The following NPAS3 variants were observed in gnomAD, a reference collection of about 807,000 sequenced individuals.
The protein encoded by NPAS3 is neuronal PAS domain protein 3.
Under a neutral mutation model 73.1 loss-of-function variants are expected in NPAS3, and 14 were observed. The ratio of observed to expected loss-of-function variants is 0.19; its 90% CI spans 0.13 to 0.30. NPAS3 has a LOEUF of 0.30. NPAS3 is among the 10% of genes least tolerant of loss of function. The probability of loss-of-function intolerance (pLI) is 1.00; values close to 1 mark genes in which losing one functional copy is unlikely to be tolerated. For missense variants in NPAS3, 1,096 were observed against 1,250.0 expected (o/e 0.88, Z 1.86); for synonymous variants, 620 against 541.5 (o/e 1.14, Z -2.01).
intron 5 of NPAS3, among the ~76,000 whole-genome samples, chr14:33,576,431 G>T (rs1273566423): frequency 1.3e-5 from 2 of 152,112 alleles, no homozygotes; most frequent in Non-Finnish European, 2.9e-5. Context: ...CTTGTTGAAT[G>T]ATGTGCTAAT....
intron 4 of NPAS3, among the ~76,000 whole-genome samples, chr14:33,525,858 G>A (rs1308542146): frequency 2.0e-5 from 3 of 151,998 alleles, no homozygotes; most frequent in Non-Finnish European, 4.4e-5. Context: ...TTTCTTCTTT[G>A]GCTATCTGAC....
chr14:33,799,815 C>T (rs374378614), exon 12 of NPAS3: 16 of 1,613,696 alleles, frequency 9.9e-6, no homozygotes, highest in African/African-American at 5.3e-5. Flanking sequence ...CGGAAGAAGT[C>T]GGGCAACGCG....
intron 9 of NPAS3, among the ~76,000 whole-genome samples, chr14:33,787,607 A>C (rs1051623006): frequency 1.4e-4 from 22 of 152,138 alleles, no homozygotes; most frequent in Non-Finnish European, 2.4e-4. Context: ...TACAAAAAAA[A>C]AAAAAAAAAC....
chr14:33,719,899 G>C (rs559279772), intron 6 of NPAS3, among the ~76,000 whole-genome samples: 1 of 152,100 alleles, frequency 6.6e-6, no homozygotes, highest in African/African-American at 2.4e-5. Flanking sequence ...CTTGTTGCCT[G>C]TGTTAATTGT....
intron 3 of NPAS3, among the ~76,000 whole-genome samples, chr14:33,236,471 T>C (rs1331439894): frequency 6.6e-6 from 1 of 152,170 alleles, no homozygotes; most frequent in African/African-American, 2.4e-5. Context: ...GCATTTCTCT[T>C]CATGAAACGT....
chr14:33,424,507 A>G (rs2048476672), intron 4 of NPAS3, among the ~76,000 whole-genome samples: 1 of 151,998 alleles, frequency 6.6e-6, no homozygotes, highest in South Asian at 2.1e-4. Context: ...GGAGGCTACC[A>G]TTATCTAGGC....
intron 4 of NPAS3, among the ~76,000 whole-genome samples, chr14:33,485,544 C>G (rs2051543422): frequency 6.6e-6 from 1 of 152,150 alleles, no homozygotes; most frequent in Non-Finnish European, 1.5e-5. Context: ...GGTCCCCCGA[C>G]TACCCCACCT....
rs1236514698 is a variant in NPAS3 at position 33,533,004 on chromosome 14, G to A, written c.469-27117G>A. Among the ~76,000 whole-genome samples the A allele has an allele frequency of 4.6e-5, 7 of 152,082 alleles. No individual in the cohort carries two copies. In the South Asian group the frequency reaches 1.5e-3, roughly 32 times the overall value. On this transcript the variant is annotated intron_variant, in intron 4 of 11. Transcript: ENST00000356141. ...CAGAACCTCAGAAATGCTCTAAACA[G>A]CATTCCTTAATTCTTTAACTCAAGA...
intron 7 of NPAS3, among the ~76,000 whole-genome samples, chr14:33,737,386 G>T (rs986229615): frequency 6.6e-6 from 1 of 152,142 alleles, no homozygotes; most frequent in Admixed American, 6.6e-5. Context: ...AACAAAAGAC[G>T]TAAAAGTGCA....
chr14:33,002,694 C>T (rs1362654787), intron 1 of NPAS3, among the ~76,000 whole-genome samples: 1 of 152,164 alleles, frequency 6.6e-6, no homozygotes, highest in Non-Finnish European at 1.5e-5. Context: ...TCCACAAATT[C>T]TGATAAATGT....
At chr14:32,935,754 A>AT (rs1417354024), upstream of NPAS3, among the ~76,000 whole-genome samples, 2 of 152,250 alleles carry the variant, frequency 1.3e-5, no homozygotes, top group East Asian at 3.8e-4. Context: ...ATAAGGAAAG[A>AT]AAGGGAAAGC....
intron 4 of NPAS3, among the ~76,000 whole-genome samples, chr14:33,481,234 T>C (rs542609134): frequency 6.6e-6 from 1 of 152,228 alleles, no homozygotes; most frequent in East Asian, 1.9e-4. Context: ...TTATAAGGGG[T>C]AACATCTATT....
chr14:33,664,211 G>A (rs992039100), intron 5 of NPAS3, among the ~76,000 whole-genome samples: 4 of 152,038 alleles, frequency 2.6e-5, no homozygotes, highest in African/African-American at 9.7e-5. Flanking sequence ...CAGAAATAAC[G>A]CTGCATATCT....
chr14:33,742,384 G>A (rs549374908), intron 7 of NPAS3, among the ~76,000 whole-genome samples: 1 of 152,260 alleles, frequency 6.6e-6, no homozygotes, highest in Admixed American at 6.5e-5. Flanking sequence ...AACAAACGTG[G>A]GAATAAATGA....
chr14:33,512,439 G>T (rs1346200533), intron 4 of NPAS3, among the ~76,000 whole-genome samples: 2 of 151,958 alleles, frequency 1.3e-5, no homozygotes, highest in African/African-American at 4.8e-5. Flanking sequence ...CATTAGTCAC[G>T]TATTTTACTT....
At chr14:33,426,522 T>C (rs1475834020) in intron 4 of NPAS3, among the ~76,000 whole-genome samples, 1 of 152,026 alleles carries the variant, frequency 6.6e-6, no homozygotes, top group Non-Finnish European at 1.5e-5. Flanking sequence ...GGCTTGTAGC[T>C]GAAGATAGTT....
intron 3 of NPAS3, among the ~76,000 whole-genome samples, chr14:33,226,429 G>A (rs1403375640): frequency 6.6e-6 from 1 of 152,134 alleles, no homozygotes; most frequent in Non-Finnish European, 1.5e-5. Context: ...GAAATAAGAT[G>A]TTTGAGATCT....
At chr14:33,169,570 C>A (rs2045308444) in intron 2 of NPAS3, among the ~76,000 whole-genome samples, 1 of 151,936 alleles carries the variant, frequency 6.6e-6, no homozygotes, top group Non-Finnish European at 1.5e-5. Flanking sequence ...TCTGTCTCAA[C>A]AAAAAACAAA....
chr14:32,971,074 T>A (rs977549807), intron 1 of NPAS3, among the ~76,000 whole-genome samples: 2 of 142,184 alleles, frequency 1.4e-5, no homozygotes, highest in African/African-American at 5.1e-5. Flanking sequence ...ATGATTTCTG[T>A]GTCTTTCTTT....
Sources: gnomAD v4.1 joint callset for allele counts (sites outside exome capture counted in the v4.1 genomes callset) on GRCh38, gnomAD v4.1.1 for gene constraint, MANE v1.5 for transcripts, NCBI Gene and HGNC (gene_info 2026-07-23, HGNC 2026-07-21) for gene names.